Variants in SORCS1 observed in about 807,000 individuals in gnomAD.
SORCS1 encodes sortilin related VPS10 domain containing receptor 1.
Under a neutral mutation model 146.1 loss-of-function variants are expected in SORCS1, and 60 were observed. That is an observed-to-expected ratio of 0.41 (90% CI 0.33 to 0.51). The LOEUF (loss-of-function observed/expected upper bound fraction) is 0.51. Ranked by LOEUF, SORCS1 falls within the 20% of genes least tolerant of loss-of-function variation. The pLI, the probability that SORCS1 is intolerant of heterozygous loss-of-function variation, is 0.21. For synonymous variants in SORCS1, 637 were observed against 584.0 expected (o/e 1.09, Z -1.31); for missense variants, 1,352 against 1,487.6 (o/e 0.91, Z 1.50).
At chr10:107,089,030 A>G (rs17122075) in intron 1 of SORCS1, among the ~76,000 whole-genome samples, 7,014 of 152,254 alleles carry the variant, frequency 0.046, 522 homozygotes, top group African/African-American at 0.16. Context: ...CATCTGACTT[A>G]GAATCTTGTG....
At position 106,900,482 on chromosome 10, in the gene SORCS1, C is replaced by T. The variant is rs188138743; in HGVS notation, c.626+56031G>A. Among the ~76,000 whole-genome samples the T allele has an allele frequency of 2.6e-5, 4 of 152,274 alleles. No homozygotes were observed. In the East Asian group the frequency reaches 5.8e-4, roughly 22 times the overall value. ...CAGCACATGCAGGTGAATTAACACTCACTGTAGCAGCCCTCAACCAATGGC... is the reference window on the plus strand; with the variant it reads ...CAGCACATGCAGGTGAATTAACACTTACTGTAGCAGCCCTCAACCAATGGC... On this transcript the variant is annotated intron_variant, in intron 2 of 25. Coordinates refer to ENST00000263054, the MANE Select transcript of SORCS1 (RefSeq NM_052918.5).
At chr10:106,829,755 T>C (rs1031327393) in intron 2 of SORCS1, 82 bp from the exon 3 acceptor site, 2 of 978,776 alleles carry the variant, frequency 2.0e-6, no homozygotes, top group South Asian at 1.6e-5. Context: ...CTTTACACAG[T>C]AGAATGGCTC....
chr10:107,002,492 C>T (rs973419012), intron 1 of SORCS1, among the ~76,000 whole-genome samples: 1 of 152,186 alleles, frequency 6.6e-6, no homozygotes, highest in Non-Finnish European at 1.5e-5. Flanking sequence ...GAGCAACTGT[C>T]TCCAGCCCAC....
intron 2 of SORCS1, among the ~76,000 whole-genome samples, chr10:106,851,213 T>G (rs1949556442): frequency 6.6e-6 from 1 of 152,238 alleles, no homozygotes; most frequent in African/African-American, 2.4e-5. Flanking sequence ...GAAGTCTGGA[T>G]TACCCATTTT....
At chr10:106,680,606 T>A (rs1263711661) in intron 10 of SORCS1, among the ~76,000 whole-genome samples, 2 of 152,220 alleles carry the variant, frequency 1.3e-5, no homozygotes, top group Non-Finnish European at 2.9e-5. Context: ...TCAAATTATC[T>A]GATTGAAATA....
intron 1 of SORCS1, among the ~76,000 whole-genome samples, chr10:107,032,714 G>C (rs763587976): frequency 2.0e-5 from 3 of 152,148 alleles, no homozygotes; most frequent in Non-Finnish European, 4.4e-5. Context: ...ATGCCGCAGG[G>C]AAATGACAAC....
intron 18 of SORCS1, among the ~76,000 whole-genome samples, chr10:106,651,978 A>G (rs1849898388): frequency 1.3e-5 from 2 of 152,226 alleles, no homozygotes. Context: ...GCCCTTGGAA[A>G]AGAAAACCCT....
intron 18 of SORCS1, among the ~76,000 whole-genome samples, chr10:106,644,677 T>C (rs971828321): frequency 2.0e-5 from 3 of 152,174 alleles, no homozygotes; most frequent in Non-Finnish European, 4.4e-5. Flanking sequence ...CATGAATTAT[T>C]AACAGCTTTG....
chr10:106,629,314 G>A lies in SORCS1; in HGVS notation c.2550C>T (p.Ser850=). ...GIAVSYVNLS[S]MEDGIKHVYQ... ...AGACGTGTTTGATCCCATCTTCCAT[G>A]GAGCTGAGATTGACGTAAGACACCG... The change falls in exon 19 of 26, where the codon TCC becomes TCT. Residue 850 remains serine (S), a synonymous_variant. Coordinates refer to ENST00000263054, the MANE Select transcript of SORCS1 (RefSeq NM_052918.5). 1.2e-6 allele frequency: 2 copies of A among 1,614,176 alleles called. No homozygotes were observed. The highest frequency in any genetic ancestry group is 1.7e-6 in the Non-Finnish European group (2 of 1,180,004).
chr10:106,749,788 A>G (rs1176035666), intron 5 of SORCS1, among the ~76,000 whole-genome samples: 3 of 152,330 alleles, frequency 2.0e-5, no homozygotes, highest in Middle Eastern at 6.8e-3. Flanking sequence ...CTCATCACAT[A>G]TGTAACCAAC....
chr10:106,640,869 C>T (rs183061285), intron 18 of SORCS1, among the ~76,000 whole-genome samples: 23 of 152,314 alleles, frequency 1.5e-4, no homozygotes, highest in East Asian at 3.9e-4. Flanking sequence ...TGAAAATGTC[C>T]GGCATCTTAG....
intron 1 of SORCS1, among the ~76,000 whole-genome samples, chr10:107,144,368 CA>C: frequency 6.6e-6 from 1 of 152,182 alleles, no homozygotes. Context: ...AATACTAAAA[CA>C]AAGATGAAGA....
At chr10:106,615,990 T>G (rs1847334428) in intron 21 of SORCS1, among the ~76,000 whole-genome samples, 2 of 152,156 alleles carry the variant, frequency 1.3e-5, no homozygotes, top group Admixed American at 1.3e-4. Flanking sequence ...CTGAGCAGAT[T>G]TAATAAAGCA....
At chr10:106,949,571 C>T (rs1954565976) in intron 2 of SORCS1, among the ~76,000 whole-genome samples, 1 of 152,164 alleles carries the variant, frequency 6.6e-6, no homozygotes, top group South Asian at 2.1e-4. Flanking sequence ...AATCATGATG[C>T]GTAATGGCCA....
chr10:106,975,326 G>A (rs529830922), intron 1 of SORCS1, among the ~76,000 whole-genome samples: 14 of 152,294 alleles, frequency 9.2e-5, no homozygotes, highest in African/African-American at 3.4e-4. Flanking sequence ...GAAGGTGACA[G>A]GCACTGAGAA....
chr10:106,849,346 T>C (rs1949446066), intron 2 of SORCS1, among the ~76,000 whole-genome samples: 2 of 150,190 alleles, frequency 1.3e-5, no homozygotes, highest in Admixed American at 1.3e-4. Flanking sequence ...TCATCTTCCA[T>C]TGCTGATACC....
intron 17 of SORCS1, among the ~76,000 whole-genome samples, chr10:106,666,062 G>A (rs768195264): frequency 6.6e-6 from 1 of 152,136 alleles, no homozygotes; most frequent in Admixed American, 6.5e-5. Context: ...GGATGGTCTC[G>A]ATCTCCTGAC....
chr10:107,036,058 T>C (rs1243356701), intron 1 of SORCS1, among the ~76,000 whole-genome samples: 2 of 151,776 alleles, frequency 1.3e-5, no homozygotes, highest in Non-Finnish European at 2.9e-5. Context: ...AACGTTGTAT[T>C]TGCTAGGAGT....
chr10:107,058,347 C>A (rs1240349592), intron 1 of SORCS1, among the ~76,000 whole-genome samples: 1 of 152,128 alleles, frequency 6.6e-6, no homozygotes, highest in Middle Eastern at 3.2e-3. Flanking sequence ...GGCCTAAAAT[C>A]AACTTTTATT....
Sources: gnomAD v4.1 joint callset for allele counts (sites outside exome capture counted in the v4.1 genomes callset) on GRCh38, gnomAD v4.1.1 for gene constraint, MANE v1.5 for transcripts, NCBI Gene and HGNC (gene_info 2026-07-23, HGNC 2026-07-21) for gene names.